Variants in FNDC3B observed in about 807,000 individuals in gnomAD.
FNDC3B encodes the protein fibronectin type III domain containing 3B.
In FNDC3B, 12 loss-of-function variants were observed where a neutral mutation model predicts 151.5. The ratio of observed to expected loss-of-function variants is 0.08; its 90% CI spans 0.05 to 0.13. The LOEUF (loss-of-function observed/expected upper bound fraction) is 0.13. Among genes scored for constraint, FNDC3B ranks in the 10% least tolerant of loss-of-function variants. The pLI is 1.00. For synonymous variants in FNDC3B, 528 were observed against 549.0 expected (o/e 0.96, Z 0.54); for missense variants, 1,214 against 1,505.3 (o/e 0.81, Z 3.20).
intron 1 of FNDC3B, among the ~76,000 whole-genome samples, chr3:172,050,393 T>TC (rs1315334722): frequency 1.3e-5 from 2 of 151,948 alleles, no homozygotes; most frequent in East Asian, 3.9e-4. Context: ...TATTTTCTTT[T>TC]TTTTTTTTAA....
At chr3:172,261,001 C>T (rs1029872248) in intron 6 of FNDC3B, among the ~76,000 whole-genome samples, 3 of 152,194 alleles carry the variant, frequency 2.0e-5, no homozygotes, top group Non-Finnish European at 4.4e-5. Flanking sequence ...ATTTATTTTT[C>T]TCCCACCCAC....
intron 6 of FNDC3B, among the ~76,000 whole-genome samples, chr3:172,255,962 C>A (rs1290613624): frequency 6.6e-6 from 1 of 152,210 alleles, no homozygotes. Context: ...GAAGGGCCAC[C>A]TTATGGTTTA....
At chr3:172,351,550 A>G (rs74698018) in intron 21 of FNDC3B, among the ~76,000 whole-genome samples, 2,897 of 152,226 alleles carry the variant, frequency 0.019, 100 homozygotes, top group African/African-American at 0.066. Flanking sequence ...TAAGATGGAA[A>G]CCCACTGAAG....
intron 5 of FNDC3B, 146 bp downstream of exon 5, chr3:172,247,922 C>T: frequency 3.5e-6 from 3 of 866,960 alleles, no homozygotes; most frequent in Non-Finnish European, 5.3e-6. Flanking sequence ...TTCCTAGCTT[C>T]CTTTGTCCTG....
chr3:172,375,533 ATTAC>A (rs1253469542), intron 23 of FNDC3B, among the ~76,000 whole-genome samples: 2 of 152,178 alleles, frequency 1.3e-5, no homozygotes, highest in Non-Finnish European at 1.5e-5. Flanking sequence ...TGACATAGGA[ATTAC>A]TTACCATCTA....
At chr3:172,246,353 C>T (rs1053781838) in intron 4 of FNDC3B, among the ~76,000 whole-genome samples, 4 of 152,232 alleles carry the variant, frequency 2.6e-5, no homozygotes, top group African/African-American at 9.6e-5. Flanking sequence ...TCTCAGCTGT[C>T]CCAGCCCTGC....
chr3:172,284,198 A>C (rs370512332), intron 6 of FNDC3B, among the ~76,000 whole-genome samples: 1 of 152,194 alleles, frequency 6.6e-6, no homozygotes. Context: ...GGCAGGGGTC[A>C]TTGAACTATA....
At chr3:172,124,604 T>C (rs1720715874) in intron 2 of FNDC3B, among the ~76,000 whole-genome samples, 1 of 152,230 alleles carries the variant, frequency 6.6e-6, no homozygotes, top group Non-Finnish European at 1.5e-5. Flanking sequence ...AGGTCAGAGT[T>C]AGGACTTTGA....
At chr3:172,141,496 A>G (rs2108586088) in intron 3 of FNDC3B, among the ~76,000 whole-genome samples, 1 of 152,294 alleles carries the variant, frequency 6.6e-6, no homozygotes, top group East Asian at 1.9e-4. Context: ...TATTTTATCC[A>G]ACAAAGCAGT....
At chr3:172,250,302 A>T (rs1425903814) in intron 5 of FNDC3B, among the ~76,000 whole-genome samples, 1 of 152,188 alleles carries the variant, frequency 6.6e-6, no homozygotes, top group East Asian at 1.9e-4. Context: ...ACCACAGCTT[A>T]TTATGTTTGG....
chr3:172,142,368 C>A (rs1721667978), intron 3 of FNDC3B, among the ~76,000 whole-genome samples: 1 of 152,216 alleles, frequency 6.6e-6, no homozygotes, highest in Admixed American at 6.5e-5. Context: ...AGTTTAACTC[C>A]TCAACCCTTC....
intron 23 of FNDC3B, among the ~76,000 whole-genome samples, chr3:172,363,525 G>GT: frequency 6.6e-6 from 1 of 152,156 alleles, no homozygotes; most frequent in Non-Finnish European, 1.5e-5. Context: ...AGAATGTTCT[G>GT]TTACCAAAAG....
At chr3:172,234,202 A>C (rs976870733) in intron 4 of FNDC3B, among the ~76,000 whole-genome samples, 1 of 152,184 alleles carries the variant, frequency 6.6e-6, no homozygotes, top group Non-Finnish European at 1.5e-5. Flanking sequence ...GAGGCTCTAC[A>C]TCCAACTCTC....
chr3:172,382,319 G>GT (rs1246764456), intron 25 of FNDC3B, among the ~76,000 whole-genome samples: 1 of 152,014 alleles, frequency 6.6e-6, no homozygotes, highest in Non-Finnish European at 1.5e-5. Flanking sequence ...TGATGGGGTG[G>GT]TTTTTTTCTT....
chr3:172,126,232 G>A (rs934337433), intron 2 of FNDC3B, among the ~76,000 whole-genome samples: 2 of 152,140 alleles, frequency 1.3e-5, no homozygotes, highest in African/African-American at 4.8e-5. Flanking sequence ...AGAATCGGCT[G>A]TGTGCTTGTA....
At chr3:172,094,336 C>A (rs1718992073) in intron 1 of FNDC3B, among the ~76,000 whole-genome samples, 1 of 152,232 alleles carries the variant, frequency 6.6e-6, no homozygotes, top group African/African-American at 2.4e-5. Flanking sequence ...CAGCCCCAAG[C>A]AACCACCAGT....
chr3:172,106,286 C>T (rs1328412519), intron 1 of FNDC3B, among the ~76,000 whole-genome samples: 1 of 152,112 alleles, frequency 6.6e-6, no homozygotes, highest in Admixed American at 6.5e-5. Flanking sequence ...CAGGTGTGCA[C>T]CACCATGCCC....
At chr3:172,178,459 C>T (rs1347674092) in intron 3 of FNDC3B, among the ~76,000 whole-genome samples, 1 of 152,006 alleles carries the variant, frequency 6.6e-6, no homozygotes, top group East Asian at 1.9e-4. Flanking sequence ...TTTTACTTAA[C>T]ATTGCCTGTA....
At position 172,401,540 on chromosome 3, in the gene FNDC3B, C is replaced by T. The variant is rs1736574412; in HGVS notation, c.*4065C>T. On this transcript the variant is annotated 3_prime_UTR_variant, in exon 26 of 26. Transcript: ENST00000415807. ...ACCAAAACTCAGTCCAGATCTCCCTCTGTTCACCTGGCACACTGGGTGCTT... is the reference window on the plus strand; with the variant it reads ...ACCAAAACTCAGTCCAGATCTCCCTTTGTTCACCTGGCACACTGGGTGCTT... 1 of 152,322 alleles carries T rather than the reference C, an allele frequency of 6.6e-6. No homozygotes were observed. Among genetic ancestry groups the T allele is most frequent in the African/African-American group, 2.4e-5 (1 of 41,456 alleles). 9.4% of individuals were successfully genotyped at this position (152,322 alleles called of 1,614,324 possible).
Sources: gnomAD v4.1 joint callset for allele counts (sites outside exome capture counted in the v4.1 genomes callset) on GRCh38, gnomAD v4.1.1 for gene constraint, MANE v1.5 for transcripts, NCBI Gene and HGNC (gene_info 2026-07-23, HGNC 2026-07-21) for gene names.